Variants in PARD3B observed in about 807,000 individuals in gnomAD.
PARD3B encodes the protein par-3 family cell polarity regulator beta.
Under a neutral mutation model 130.2 loss-of-function variants are expected in PARD3B, and 103 were observed. The observed-to-expected ratio is 0.79, with a 90% CI of 0.67 to 0.93. The LOEUF (loss-of-function observed/expected upper bound fraction) is 0.93. Among genes scored for constraint, PARD3B ranks in the 40% least tolerant of loss-of-function variants. The pLI is 0.00. For synonymous variants in PARD3B, 583 were observed against 553.2 expected (o/e 1.05, Z -0.76); for missense variants, 1,609 against 1,499.2 (o/e 1.07, Z -1.21).
intron 10 of PARD3B, among the ~76,000 whole-genome samples, chr2:205,157,294 G>C (rs1315532739): frequency 6.6e-6 from 1 of 152,146 alleles, no homozygotes. Flanking sequence ...AATGGAAATT[G>C]GAATCAAATA....
chr2:205,202,127 T>C (rs2125827342), intron 15 of PARD3B, among the ~76,000 whole-genome samples: 1 of 152,286 alleles, frequency 6.6e-6, no homozygotes, highest in South Asian at 2.1e-4. Flanking sequence ...TTAACCAAAA[T>C]TTAACATGTA....
intron 2 of PARD3B, among the ~76,000 whole-genome samples, chr2:204,898,547 C>G (rs2046728755): frequency 6.6e-6 from 1 of 152,116 alleles, no homozygotes; most frequent in African/African-American, 2.4e-5. Context: ...AACATATGAT[C>G]TATTCCTGAG....
In PARD3B at chr2:205,520,592, T is replaced by C. The variant is rs114124568; in HGVS notation, c.3180+20561T>C. Among the ~76,000 whole-genome samples the C allele has an allele frequency of 8.7e-3, 1,326 of 152,224 alleles. 17 individuals carry two copies. Among genetic ancestry groups the C allele is most frequent in the African/African-American group, 0.03 (1,249 of 41,514 alleles). ...TACATGCTCTAAAATGCTTAGGTAA[T>C]TGGTAAAAGTGTTAAAATGAAAATG... On this transcript the variant is annotated intron_variant, in intron 21 of 22. Coordinates refer to ENST00000406610, the MANE Select transcript of PARD3B (RefSeq NM_001302769.2).
chr2:205,166,000 G>A (rs1385030265), intron 11 of PARD3B, among the ~76,000 whole-genome samples: 1 of 152,016 alleles, frequency 6.6e-6, no homozygotes, highest in Non-Finnish European at 1.5e-5. Flanking sequence ...GACAGCTTAG[G>A]TTCGTGACTC....
At chr2:204,729,107 C>A (rs1320569288) in intron 2 of PARD3B, among the ~76,000 whole-genome samples, 1 of 152,114 alleles carries the variant, frequency 6.6e-6, no homozygotes, top group African/African-American at 2.4e-5. Context: ...TGATGCAAAG[C>A]CTTTGAATAT....
chr2:205,540,306 G>T (rs147763005), intron 21 of PARD3B, among the ~76,000 whole-genome samples: 1 of 151,772 alleles, frequency 6.6e-6, no homozygotes, highest in Non-Finnish European at 1.5e-5. Flanking sequence ...CTTCCTGGAA[G>T]CTGCAGCTTA....
At chr2:205,520,953 C>T (rs2051020111) in intron 21 of PARD3B, among the ~76,000 whole-genome samples, 1 of 151,174 alleles carries the variant, frequency 6.6e-6, no homozygotes, top group African/African-American at 2.4e-5. Flanking sequence ...ATTAGCCTTA[C>T]AAATAAGCAT....
At chr2:205,161,720 C>A (rs1261081480) in intron 11 of PARD3B, among the ~76,000 whole-genome samples, 1 of 152,142 alleles carries the variant, frequency 6.6e-6, no homozygotes, top group Non-Finnish European at 1.5e-5. Flanking sequence ...CTGGGAACAT[C>A]TTTGTCTCAG....
chr2:205,488,522 T>G lies in PARD3B; in HGVS notation c.3045-11374T>G, dbSNP rs1376227021. Among the ~76,000 whole-genome samples, 3 of 152,152 alleles carry G rather than the reference T, an allele frequency of 2.0e-5. No individual in the cohort carries two copies. The East Asian group carries it at 5.8e-4, about 29-fold the overall frequency. ...CCTCTGCTTTAGGAGGATACTATAT[T>G]GGACTCTGCCTATGATCTCTCACTG... is the stretch of plus-strand genomic sequence containing the variant. On this transcript the variant is annotated intron_variant, in intron 20 of 22. Transcript: ENST00000406610.
intron 10 of PARD3B, among the ~76,000 whole-genome samples, chr2:205,143,226 T>C (rs961793212): frequency 6.6e-6 from 1 of 152,184 alleles, no homozygotes; most frequent in African/African-American, 2.4e-5. Flanking sequence ...GTAAAAATTG[T>C]GGGTTTGCGC....
rs1261675273 is a variant in PARD3B at position 205,288,076 on chromosome 2, C to A, written c.2186-12454C>A. ...GTTATTAGTTTTACTGCCCATTAAT[C>A]ATTATATATTACCAAATATAGTAAA... is the stretch of plus-strand genomic sequence containing the variant. On this transcript the variant is annotated intron_variant, in intron 16 of 22. Transcript: ENST00000406610. The surrounding 1 kb of genome is among the most constrained non-coding windows in gnomAD (Gnocchi z 4.0). 6.6e-6 allele frequency among the ~76,000 whole-genome samples: 1 copy of A among 152,084 alleles called. No individual in the cohort carries two copies. Among genetic ancestry groups the A allele is most frequent in the Non-Finnish European group, 1.5e-5 (1 of 68,028 alleles).
chr2:204,823,071 T>A (rs2043428828), intron 2 of PARD3B, among the ~76,000 whole-genome samples: 1 of 152,132 alleles, frequency 6.6e-6, no homozygotes, highest in African/African-American at 2.4e-5. Context: ...AGTCTTGTAT[T>A]TACCTGTGTT....
intron 2 of PARD3B, among the ~76,000 whole-genome samples, chr2:204,713,764 A>T (rs941967807): frequency 2.0e-5 from 3 of 152,108 alleles, no homozygotes; most frequent in African/African-American, 7.2e-5. Flanking sequence ...GCTGAATAAT[A>T]GTCCTCTCTC....
chr2:205,222,250 T>A (rs947230818), intron 15 of PARD3B, among the ~76,000 whole-genome samples: 3 of 152,130 alleles, frequency 2.0e-5, no homozygotes, highest in African/African-American at 7.2e-5. Context: ...GTAGATAGTG[T>A]TAAGTAGTAG....
At chr2:205,132,826 T>C (rs993881017) in intron 10 of PARD3B, among the ~76,000 whole-genome samples, 1 of 152,210 alleles carries the variant, frequency 6.6e-6, no homozygotes, top group Non-Finnish European at 1.5e-5. Context: ...GAGAATTAAC[T>C]GTGTGCAGCT....
At chr2:205,358,375 A>C (rs1375779079) in intron 18 of PARD3B, among the ~76,000 whole-genome samples, 1 of 152,162 alleles carries the variant, frequency 6.6e-6, no homozygotes, top group Non-Finnish European at 1.5e-5. Context: ...CAAACTCATA[A>C]AGCGGCTAGA....
At chr2:205,614,717 T>TAA (rs557171777) in intron 22 of PARD3B, among the ~76,000 whole-genome samples, 1 of 138,568 alleles carries the variant, frequency 7.2e-6, no homozygotes, top group Non-Finnish European at 1.6e-5. Context: ...AAAAAAAAAT[T>TAA]AAAAAAAAAA....
At chr2:205,362,308 T>C (rs13409417) in intron 18 of PARD3B, among the ~76,000 whole-genome samples, 8,674 of 152,296 alleles carry the variant, frequency 0.057, 662 homozygotes, top group African/African-American at 0.18. Flanking sequence ...TCCATTGTAC[T>C]TACAGCTATT....
chr2:205,471,450 C>A lies in PARD3B; in HGVS notation c.3045-28446C>A, dbSNP rs558492388. 2.1e-3 allele frequency among the ~76,000 whole-genome samples: 310 copies of A among 150,102 alleles called. 1 individual carries two copies. Among genetic ancestry groups the A allele is most frequent in the African/African-American group, 7.3e-3 (295 of 40,280 alleles). Reference sequence around the variant, plus strand: ...AATCTCGGCTCACTGCAACCTCTGCCTCCCAAGTTCAAGCATTTCTCCTGC... The same window carrying A: ...AATCTCGGCTCACTGCAACCTCTGCATCCCAAGTTCAAGCATTTCTCCTGC... On this transcript the variant is annotated intron_variant, in intron 20 of 22. Coordinates refer to ENST00000406610, the MANE Select transcript of PARD3B (RefSeq NM_001302769.2).
Sources: gnomAD v4.1 joint callset for allele counts (sites outside exome capture counted in the v4.1 genomes callset) on GRCh38, gnomAD v4.1.1 for gene constraint, Gnocchi (gnomAD v3.1) non-coding constraint, MANE v1.5 for transcripts, NCBI Gene and HGNC (gene_info 2026-07-23, HGNC 2026-07-21) for gene names.